TTC12: variants seen among roughly 807,000 people sequenced by gnomAD.
TTC12 encodes tetratricopeptide repeat domain 12, also known as tetratricopeptide repeat protein 12.
A neutral mutation model predicts 90.1 loss-of-function variants in TTC12; 70 were observed. The ratio of observed to expected loss-of-function variants is 0.78; its 90% CI spans 0.64 to 0.95. The LOEUF is 0.95. Among genes scored for constraint, TTC12 ranks in the 40% least tolerant of loss-of-function variants. The pLI is 0.00. For missense variants in TTC12, 819 were observed against 846.1 expected, an observed-to-expected ratio of 0.97 and a Z score of 0.40; for synonymous variants, 296 against 311.5, an observed-to-expected ratio of 0.95 and a Z score of 0.53.
chr11:113,364,582 A>G, intron 20 of TTC12: 1 of 501,652 alleles, frequency 2.0e-6, no homozygotes, highest in South Asian at 2.1e-5. Context: ...CACAGCATTC[A>G]TTCATCTAAC....
In TTC12 at chr11:113,323,111, A is replaced by AG. The variant is rs1468129604; in HGVS notation, c.59-177_59-176insG. Among the ~76,000 whole-genome samples, 6 of 152,058 alleles carry AG rather than the reference A, an allele frequency of 3.9e-5. No homozygotes were observed. The East Asian group carries it at 1.2e-3, about 29-fold the overall frequency. ...TGCAACTTTTTCTAGGCAAAAAAAA[A>AG]AAAAAAAAAACCTGTTGTTAATTTT... On this transcript the variant is annotated intron_variant, in intron 2 of 21. Coordinates refer to ENST00000529221, the MANE Select transcript of TTC12 (RefSeq NM_017868.4).
intron 11 of TTC12, 176 bp from the exon 12 acceptor site, chr11:113,341,661 G>A (rs782603160): frequency 1.0e-5 from 6 of 601,474 alleles, no homozygotes; most frequent in South Asian, 5.5e-5. Context: ...GTCTGCATCC[G>A]TGGCCTGGGA....
chr11:113,351,832 A>G (rs574263132), intron 15 of TTC12, among the ~76,000 whole-genome samples: 9 of 152,342 alleles, frequency 5.9e-5, no homozygotes, highest in Non-Finnish European at 1.2e-4. Flanking sequence ...GGATTTGCCC[A>G]GGTCCCTCCA....
chr11:113,341,995 T>G, intron 12 of TTC12, 70 bp downstream of exon 12: 1 of 1,336,410 alleles, frequency 7.5e-7, no homozygotes. Flanking sequence ...TTGGGTGGAC[T>G]GTCCTCCCCA....
In TTC12 at chr11:113,365,498, G is replaced by A. The variant is rs75894243; in HGVS notation, c.2042+438G>A. 1,655 of 210,044 alleles carry A rather than the reference G, an allele frequency of 7.9e-3. 35 individuals carry two copies. Among genetic ancestry groups the A allele is most frequent in the African/African-American group, 0.035 (1,575 of 44,952 alleles). The allele number at this position is 210,044 out of a possible 1,614,324, so 13.0% of individuals were successfully genotyped here. A position where few individuals can be genotyped will look rare whatever the true frequency, so the allele number is the denominator to read the frequency against. ...CCTCAGCCTAAACAAATGGAGGAAC[G>A]GCCAGCAAGGGTCACATGTTCATGC... On this transcript the variant is annotated intron_variant, in intron 21 of 21. Coordinates refer to ENST00000529221, the MANE Select transcript of TTC12 (RefSeq NM_017868.4).
At position 113,362,390 on chromosome 11, in the gene TTC12, G is replaced by A; in HGVS notation, c.1615-11G>A. 3 of 1,600,214 alleles carry A rather than the reference G, an allele frequency of 1.9e-6. No individual in the cohort carries two copies. Among genetic ancestry groups the A allele is most frequent in the Non-Finnish European group, 2.6e-6 (3 of 1,167,798 alleles). ...AAGGACATTTAATTATCCTCTTTCT[G>A]CTGTACTCAGAGAGCTGCTGGTGTT... On this transcript the variant is annotated splice_polypyrimidine_tract_variant and intron_variant, in intron 18 of 21. Transcript: ENST00000529221.
chr11:113,340,661 C>T lies in TTC12; in HGVS notation c.827-3C>T. The T allele has an allele frequency of 1.2e-6, 2 of 1,613,598 alleles. No individual in the cohort carries two copies. The highest frequency in any genetic ancestry group is 1.7e-6 in the Non-Finnish European group (2 of 1,179,530). On this transcript the variant is annotated splice_region_variant and splice_polypyrimidine_tract_variant and intron_variant, in intron 10 of 21. Coordinates refer to ENST00000529221, the MANE Select transcript of TTC12 (RefSeq NM_017868.4). ...GAAGTGGTTTTCTTTGTATCTGTTT[C>T]AGGCACAGAACAAACTTTATTCAGA... is the stretch of plus-strand genomic sequence containing the variant.
rs145261642 is a variant in TTC12 at position 113,323,345 on chromosome 11, T to C, written c.116T>C (p.Leu39Pro). ...CCAGTTGTGCAACAGAAAGCTGTCC[T>C]GGAGACAGAAAAGAGACTACTGCTT... Reference protein sequence around the residue: ...DDPVVQQKAVLETEKRLLLME... With the variant: ...DDPVVQQKAVPETEKRLLLME... The change falls in exon 3 of 22, where the codon CTG becomes CCG. Residue 39 changes from leucine (L) to proline (P), a missense_variant. Transcript: ENST00000529221. 5.8e-4 allele frequency: 929 copies of C among 1,612,970 alleles called. No individual in the cohort carries two copies. Among genetic ancestry groups the C allele is most frequent in the Non-Finnish European group, 7.3e-4 (864 of 1,179,708 alleles).
chr11:113,350,305 G>C, intron 14 of TTC12, 140 bp downstream of exon 14: 1 of 649,630 alleles, frequency 1.5e-6, no homozygotes, highest in East Asian at 2.9e-5. Flanking sequence ...TAGGAGGGCT[G>C]ATGCCTCCCA....
intron 10 of TTC12, 106 bp from the exon 11 acceptor site, chr11:113,340,558 C>A: frequency 1.3e-6 from 1 of 789,394 alleles, no homozygotes; most frequent in Non-Finnish European, 2.3e-6. Flanking sequence ...ACGTGGGTAC[C>A]GTGGCATTCC....
intron 9 of TTC12, 30 bp downstream of exon 9, chr11:113,338,864 C>T: frequency 8.8e-6 from 14 of 1,599,950 alleles, no homozygotes; most frequent in Non-Finnish European, 1.2e-5. Context: ...GGTCCTTCAT[C>T]TGAACTCCAC....
intron 13 of TTC12, among the ~76,000 whole-genome samples, chr11:113,349,381 G>C (rs1949143802): frequency 6.6e-6 from 1 of 152,178 alleles, no homozygotes; most frequent in Non-Finnish European, 1.5e-5. Context: ...CAAGTTTGCT[G>C]GATGAACAAA....
intron 13 of TTC12, among the ~76,000 whole-genome samples, chr11:113,344,848 G>A (rs1948863232): frequency 6.6e-6 from 1 of 152,068 alleles, no homozygotes; most frequent in African/African-American, 2.4e-5. Context: ...TAAACCCTTT[G>A]TGGAACAAGA....
intron 17 of TTC12, 40 bp from the exon 18 acceptor site, chr11:113,359,899 GA>G: frequency 6.6e-7 from 1 of 1,520,394 alleles, no homozygotes; most frequent in African/African-American, 1.4e-5. Flanking sequence ...CAGATTGTCA[GA>G]AAATTAAAAT....
At chr11:113,365,096 C>T (rs1193241076) in intron 21 of TTC12, 36 bp downstream of exon 21, 2 of 1,583,846 alleles carry the variant, frequency 1.3e-6, no homozygotes, top group South Asian at 1.1e-5. Context: ...TGACCTATTG[C>T]AGAAAGAGCA....
intron 1 of TTC12, chr11:113,315,944 A>G (rs1333658935): frequency 8.8e-6 from 2 of 228,416 alleles, no homozygotes; most frequent in East Asian, 1.8e-4. Context: ...TCTCATCTCC[A>G]TGCCAGGTCC....
intron 7 of TTC12, among the ~76,000 whole-genome samples, chr11:113,331,907 A>G (rs1051339677): frequency 2.0e-4 from 30 of 152,246 alleles, no homozygotes; most frequent in Admixed American, 2.0e-3. Flanking sequence ...AAGAGTTCTA[A>G]AAACTAATAA....
chr11:113,347,288 A>C (rs536684834), intron 13 of TTC12, among the ~76,000 whole-genome samples: 18 of 152,324 alleles, frequency 1.2e-4, no homozygotes, highest in African/African-American at 4.3e-4. Context: ...GCTTGGCGTC[A>C]CCTGGGCCCT....
chr11:113,363,958 G>A (rs778034753), intron 20 of TTC12, 31 bp downstream of exon 20: 47 of 1,471,118 alleles, frequency 3.2e-5, no homozygotes, highest in Non-Finnish European at 4.1e-5. Context: ...GGGAGCCCTT[G>A]TCCCAGAGGT....
Sources: allele counts gnomAD v4.1 joint callset (sites outside exome capture counted in the v4.1 genomes callset), GRCh38; gene constraint gnomAD v4.1.1; transcripts MANE v1.5; gene names NCBI Gene and HGNC (gene_info 2026-07-23, HGNC 2026-07-21).